TMCC1: variants seen among roughly 807,000 people sequenced by gnomAD.
TMCC1 encodes the protein transmembrane and coiled-coil domain family 1.
A neutral mutation model predicts 52.4 loss-of-function variants in TMCC1; 15 were observed. The observed-to-expected ratio is 0.29, with a 90% CI of 0.19 to 0.44. TMCC1 has a LOEUF of 0.44. TMCC1 is among the 20% of genes least tolerant of loss of function. TMCC1 has a pLI of 1.00. For missense variants in TMCC1, 503 were observed against 806.0 expected (o/e 0.62, Z 4.55); for synonymous variants, 279 against 301.9 (o/e 0.92, Z 0.79).
At chr3:129,674,943 C>T (rs551381673) in intron 4 of TMCC1, among the ~76,000 whole-genome samples, 6 of 152,270 alleles carry the variant, frequency 3.9e-5, no homozygotes, top group South Asian at 2.1e-4. Flanking sequence ...TGGCTTCAAG[C>T]GATTCTCCTG....
chr3:129,875,490 C>G (rs1256658903), intron 2 of TMCC1, among the ~76,000 whole-genome samples: 1 of 17,324 alleles, frequency 5.8e-5, no homozygotes. Flanking sequence ...GACTCCATCT[C>G]AAAAAAAAAA....
intron 4 of TMCC1, among the ~76,000 whole-genome samples, chr3:129,704,186 A>T (rs2048043720): frequency 6.6e-6 from 1 of 152,242 alleles, no homozygotes; most frequent in South Asian, 2.1e-4. Flanking sequence ...TGTTTTGGGA[A>T]AGAAAATTAT....
At chr3:129,849,872 T>G (rs576321856) in intron 2 of TMCC1, among the ~76,000 whole-genome samples, 16 of 134,902 alleles carry the variant, frequency 1.2e-4, no homozygotes, top group African/African-American at 3.7e-4. Flanking sequence ...GGGGATTACA[T>G]TTAATTCAAG....
chr3:129,887,814 T>G (rs1388046843), intron 1 of TMCC1, among the ~76,000 whole-genome samples: 5 of 152,176 alleles, frequency 3.3e-5, no homozygotes, highest in African/African-American at 1.2e-4. Flanking sequence ...GATACTGTAA[T>G]GTTAAACATA....
intron 2 of TMCC1, among the ~76,000 whole-genome samples, chr3:129,834,939 CT>C (rs1252269280): frequency 1.3e-5 from 2 of 152,288 alleles, no homozygotes; most frequent in African/African-American, 2.4e-5. Context: ...AATTGATTGC[CT>C]TTTAGCAAAT....
chr3:129,884,446 A>G (rs142451286), intron 1 of TMCC1, among the ~76,000 whole-genome samples: 2 of 151,750 alleles, frequency 1.3e-5, no homozygotes, highest in African/African-American at 4.8e-5. Context: ...TGGGCAACAT[A>G]GTGCAACCCC....
At chr3:129,720,181 C>CAAAAAA (rs765678095) in intron 4 of TMCC1, among the ~76,000 whole-genome samples, 29 of 58,704 alleles carry the variant, frequency 4.9e-4, no homozygotes, top group African/African-American at 1.7e-3. Context: ...GACCCTGTCT[C>CAAAAAA]AAAAAAAAAA....
intron 4 of TMCC1, among the ~76,000 whole-genome samples, chr3:129,775,482 G>T (rs755526300): frequency 1.3e-5 from 2 of 151,872 alleles, no homozygotes; most frequent in Admixed American, 6.6e-5. Flanking sequence ...AAAAGAAAAA[G>T]AAATTAAACA....
intron 4 of TMCC1, among the ~76,000 whole-genome samples, chr3:129,722,231 C>A (rs570789355): frequency 6.6e-6 from 1 of 152,166 alleles, no homozygotes; most frequent in African/African-American, 2.4e-5. Context: ...CTGAGCTCCA[C>A]CTCCTGTCAG....
chr3:129,818,056 C>A (rs2058193151), intron 4 of TMCC1, among the ~76,000 whole-genome samples: 1 of 151,964 alleles, frequency 6.6e-6, no homozygotes, highest in African/African-American at 2.4e-5. Flanking sequence ...GTGATCCACC[C>A]ACCTCGGCCT....
chr3:129,793,678 C>A (rs948029983), intron 4 of TMCC1, among the ~76,000 whole-genome samples: 6 of 152,142 alleles, frequency 3.9e-5, no homozygotes, highest in Non-Finnish European at 7.3e-5. Context: ...CTCTTAAATG[C>A]GTGCTTCACC....
chr3:129,786,296 A>C (rs1242457201), intron 4 of TMCC1, among the ~76,000 whole-genome samples: 2 of 152,040 alleles, frequency 1.3e-5, no homozygotes, highest in Non-Finnish European at 2.9e-5. Context: ...TTCCCTCTCA[A>C]CAAAATATTA....
intron 2 of TMCC1, among the ~76,000 whole-genome samples, chr3:129,873,576 A>G (rs1354538762): frequency 1.3e-5 from 2 of 152,110 alleles, no homozygotes; most frequent in African/African-American, 2.4e-5. Context: ...GCTAGTCGGG[A>G]GGATAAGGCA....
intron 4 of TMCC1, among the ~76,000 whole-genome samples, chr3:129,743,417 T>G (rs2051636636): frequency 6.6e-6 from 1 of 152,204 alleles, no homozygotes; most frequent in Non-Finnish European, 1.5e-5. Flanking sequence ...AAAAGACTAC[T>G]TTTGTAGAAA....
intron 4 of TMCC1, among the ~76,000 whole-genome samples, chr3:129,673,417 AAATATACCAC>A (rs1351965400): frequency 2.6e-5 from 4 of 152,242 alleles, no homozygotes; most frequent in African/African-American, 9.6e-5. Flanking sequence ...ATTAAGCTCA[AAATATACCAC>A]AATATAAAGG....
chr3:129,835,127 C>T (rs2059098412), intron 2 of TMCC1, among the ~76,000 whole-genome samples: 2 of 152,136 alleles, frequency 1.3e-5, no homozygotes, highest in Non-Finnish European at 2.9e-5. Flanking sequence ...ATTTATGCCA[C>T]AATAAAATGG....
At chr3:129,653,726 C>T (rs1280368248) in intron 6 of TMCC1, among the ~76,000 whole-genome samples, 1 of 152,058 alleles carries the variant, frequency 6.6e-6, no homozygotes, top group East Asian at 1.9e-4. Context: ...GGATTACAGG[C>T]GTGCGCCACC....
At chr3:129,738,272 A>AT in intron 4 of TMCC1, among the ~76,000 whole-genome samples, 1 of 121,074 alleles carries the variant, frequency 8.3e-6, no homozygotes. Flanking sequence ...CTCCGCCTAA[A>AT]CAAAAAAAAA....
At chr3:129,866,052 C>T (rs2060610928) in intron 2 of TMCC1, among the ~76,000 whole-genome samples, 1 of 151,952 alleles carries the variant, frequency 6.6e-6, no homozygotes, top group African/African-American at 2.4e-5. Flanking sequence ...TCTTAATCAA[C>T]AACAGAATAA....
Sources: allele counts gnomAD v4.1 joint callset (sites outside exome capture counted in the v4.1 genomes callset), GRCh38; gene constraint gnomAD v4.1.1; transcripts MANE v1.5; gene names NCBI Gene and HGNC (gene_info 2026-07-23, HGNC 2026-07-21).